The following UBE2L3 variants were observed in gnomAD, a reference collection of about 807,000 sequenced individuals.
The protein encoded by UBE2L3 is ubiquitin-conjugating enzyme E2 L3.
UBE2L3 carries 1 observed loss-of-function variant against 17.8 expected under a neutral mutation model. The ratio of observed to expected loss-of-function variants is 0.06; its 90% confidence interval spans 0.02 to 0.27. UBE2L3 has a LOEUF of 0.27. UBE2L3 is among the 10% of genes least tolerant of loss of function. The pLI, the probability that UBE2L3 is intolerant of heterozygous loss-of-function variation, is 1.00. For missense variants in UBE2L3, 40 were observed against 192.6 expected, an observed-to-expected ratio of 0.21 and a Z score of 4.69; for synonymous variants, 44 against 68.5, an observed-to-expected ratio of 0.64 and a Z score of 1.76.
chr22:21,586,478 C>T (rs879884479), intron 1 of UBE2L3, among the ~76,000 whole-genome samples: 1 of 151,760 alleles, frequency 6.6e-6, no homozygotes, highest in Non-Finnish European at 1.5e-5. Flanking sequence ...CCTTGTTGGC[C>T]GGGCTGGTTC....
rs1927129663 is a variant in UBE2L3 at position 21,574,077 on chromosome 22, CCACT to C, written c.27+6313_27+6316del. On this transcript the variant is annotated intron_variant, in intron 1 of 3. Transcript: ENST00000342192. Reference sequence around the variant, plus strand: ...ACAGCTATCCAGGAGAAGTGGCATGCCACTCACTCAGAAAGGGCTTTGCATGTAT... The same window carrying C: ...ACAGCTATCCAGGAGAAGTGGCATGCCACTCAGAAAGGGCTTTGCATGTAT... Among the ~76,000 whole-genome samples the C allele has an allele frequency of 2.0e-5, 3 of 152,264 alleles. No individual in the cohort carries two copies. In the South Asian group the frequency reaches 6.2e-4, roughly 32 times the overall value.
upstream of UBE2L3, among the ~76,000 whole-genome samples, chr22:21,564,444 G>A (rs558061053): frequency 6.6e-6 from 1 of 152,268 alleles, no homozygotes; most frequent in South Asian, 2.1e-4. Flanking sequence ...GCTAGAGGGA[G>A]CAATGAAGGT....
chr22:21,621,184 G>A (rs1930025482), intron 3 of UBE2L3, among the ~76,000 whole-genome samples: 1 of 151,990 alleles, frequency 6.6e-6, no homozygotes, highest in African/African-American at 2.4e-5. Context: ...CCAACCCCCC[G>A]CCAAGAAAAA....
At chr22:21,577,114 G>A (rs921941653) in intron 1 of UBE2L3, among the ~76,000 whole-genome samples, 1 of 151,826 alleles carries the variant, frequency 6.6e-6, no homozygotes, top group Non-Finnish European at 1.5e-5. Flanking sequence ...GACTACAGGC[G>A]CTCGCCACTA....
At chr22:21,613,393 C>T (rs1037473968) in intron 3 of UBE2L3, among the ~76,000 whole-genome samples, 6 of 151,960 alleles carry the variant, frequency 3.9e-5, no homozygotes, top group African/African-American at 1.5e-4. Flanking sequence ...GTACTGTTGA[C>T]TTGGGATTTT....
chr22:21,612,847 G>A (rs1306715598), intron 3 of UBE2L3, among the ~76,000 whole-genome samples: 1 of 151,268 alleles, frequency 6.6e-6, no homozygotes, highest in African/African-American at 2.4e-5. Context: ...ACGTTGACCA[G>A]GCTGGTCTCG....
chr22:21,577,347 C>T (rs922063998), intron 1 of UBE2L3, among the ~76,000 whole-genome samples: 10 of 151,958 alleles, frequency 6.6e-5, no homozygotes, highest in Admixed American at 2.6e-4. Context: ...TCAGGTGATC[C>T]GCCTGCCTCA....
At chr22:21,613,867 C>G (rs1929633804) in intron 3 of UBE2L3, among the ~76,000 whole-genome samples, 1 of 152,188 alleles carries the variant, frequency 6.6e-6, no homozygotes, top group Non-Finnish European at 1.5e-5. Flanking sequence ...TTCCACAAGG[C>G]TACATTGGAC....
At chr22:21,598,825 T>G (rs923449184) in intron 2 of UBE2L3, among the ~76,000 whole-genome samples, 2 of 149,944 alleles carry the variant, frequency 1.3e-5, no homozygotes, top group African/African-American at 5.0e-5. Context: ...TGAGCCACCA[T>G]GCCCCCACCC....
At chr22:21,556,608 T>C (rs1239672956) in intron 1 of UBE2L3, among the ~76,000 whole-genome samples, 2 of 150,566 alleles carry the variant, frequency 1.3e-5, no homozygotes, top group African/African-American at 2.5e-5. Flanking sequence ...TTTTCTTTTC[T>C]TTTTTCTTTT....
At position 21,623,663 on chromosome 22, in the gene UBE2L3, C is replaced by T. The variant is rs55711733; in HGVS notation, c.*1994C>T. The T allele has an allele frequency of 1.3e-5, 2 of 153,028 alleles. No homozygotes were observed. The highest frequency in any genetic ancestry group is 2.9e-5 in the Non-Finnish European group (2 of 68,110). 9.5% of individuals were successfully genotyped at this position (153,028 alleles called of 1,614,324 possible). The stretch of plus-strand genomic sequence containing the variant: ...GTGCCGGCAGCCCCTCAGGGACTCT[C>T]AGCCCTGGCACTGGCACCCCAGGGT... On this transcript the variant is annotated 3_prime_UTR_variant, in exon 4 of 4. Transcript: ENST00000342192.
chr22:21,585,040 T>A (rs1927862253), intron 1 of UBE2L3, among the ~76,000 whole-genome samples: 1 of 152,248 alleles, frequency 6.6e-6, no homozygotes, highest in Non-Finnish European at 1.5e-5. Context: ...TTTTAACGTT[T>A]GAAGACAGAT....
At chr22:21,573,815 C>A (rs1352036502) in intron 1 of UBE2L3, among the ~76,000 whole-genome samples, 1 of 152,178 alleles carries the variant, frequency 6.6e-6, no homozygotes, top group African/African-American at 2.4e-5. Flanking sequence ...AGGCCAGCCC[C>A]TGAGATGCTT....
intron 3 of UBE2L3, among the ~76,000 whole-genome samples, chr22:21,617,672 A>C (rs1402107188): frequency 6.6e-6 from 1 of 152,182 alleles, no homozygotes; most frequent in Non-Finnish European, 1.5e-5. Context: ...TGTTTTATAA[A>C]ATATAATTTT....
intron 2 of UBE2L3, 116 bp downstream of exon 2, chr22:21,593,072 A>T: frequency 1.2e-6 from 1 of 845,974 alleles, no homozygotes; most frequent in South Asian, 1.5e-5. Context: ...CAGCAGATGC[A>T]CAGAAGTGGC....
At chr22:21,614,329 C>T (rs1047838692) in intron 3 of UBE2L3, among the ~76,000 whole-genome samples, 1 of 152,122 alleles carries the variant, frequency 6.6e-6, no homozygotes, top group Admixed American at 6.6e-5. Flanking sequence ...GTGGCTCACG[C>T]CTGTAATCCC....
At chr22:21,579,100 C>T (rs1927485184) in intron 1 of UBE2L3, among the ~76,000 whole-genome samples, 1 of 151,940 alleles carries the variant, frequency 6.6e-6, no homozygotes, top group South Asian at 2.1e-4. Flanking sequence ...ACGCAATTCT[C>T]CTGCCTCAGC....
At chr22:21,576,801 C>CTTTTTT (rs757829734) in intron 1 of UBE2L3, among the ~76,000 whole-genome samples, 59 of 118,142 alleles carry the variant, frequency 5.0e-4, no homozygotes, top group African/African-American at 1.4e-3. Context: ...CTTCTCTTTC[C>CTTTTTT]TTTTTTTTTT....
chr22:21,608,466 C>T (rs1022193784), intron 2 of UBE2L3, among the ~76,000 whole-genome samples: 1 of 152,166 alleles, frequency 6.6e-6, no homozygotes, highest in Non-Finnish European at 1.5e-5. Flanking sequence ...CTCTGTCACC[C>T]AGGCTGGAGT....
Sources: gnomAD v4.1 joint callset for allele counts (sites outside exome capture counted in the v4.1 genomes callset) on GRCh38, gnomAD v4.1.1 for gene constraint, MANE v1.5 for transcripts, NCBI Gene and HGNC (gene_info 2026-07-23, HGNC 2026-07-21) for gene names.